Variants in SOX6 observed in about 807,000 individuals in gnomAD.
SOX6 encodes transcription factor SOX-6.
In SOX6, 11 loss-of-function variants were observed where a neutral mutation model predicts 97.8. The ratio of observed to expected loss-of-function variants is 0.11; its 90% CI spans 0.07 to 0.19. The LOEUF (loss-of-function observed/expected upper bound fraction) is 0.19, where lower values mean the gene tolerates loss of function less well. Among genes scored for constraint, SOX6 ranks in the 10% least tolerant of loss-of-function variants. The probability of loss-of-function intolerance (pLI) is 1.00; values close to 1 mark genes in which losing one functional copy is unlikely to be tolerated. For missense variants in SOX6, 810 were observed against 1,039.5 expected (o/e 0.78, Z 3.04); for synonymous variants, 360 against 371.4 (o/e 0.97, Z 0.35).
intron 4 of SOX6, among the ~76,000 whole-genome samples, chr11:16,586,672 A>T (rs1211999314): frequency 2.0e-5 from 3 of 152,190 alleles, no homozygotes; most frequent in Non-Finnish European, 4.4e-5. Context: ...GTGAGCTGTA[A>T]TCACACCACT....
At chr11:16,407,453 G>A (rs147204943) in intron 1 of SOX6, among the ~76,000 whole-genome samples, 11 of 152,174 alleles carry the variant, frequency 7.2e-5, no homozygotes, top group African/African-American at 2.4e-4. Context: ...AGATGAATGA[G>A]GAAAGTATCC....
chr11:16,089,643 C>T (rs561120963), intron 9 of SOX6, among the ~76,000 whole-genome samples: 3 of 152,002 alleles, frequency 2.0e-5, no homozygotes, highest in African/African-American at 7.2e-5. Context: ...ATGAACTCTT[C>T]TACAAATAAA....
chr11:16,252,411 C>G (rs1375799383), intron 3 of SOX6: 3 of 152,194 alleles, frequency 2.0e-5, no homozygotes, highest in Non-Finnish European at 4.4e-5. Context: ...CCACAGGAAC[C>G]AGTGTCGGTA....
intron 3 of SOX6, chr11:16,645,857 T>A (rs1191652589): frequency 6.6e-6 from 1 of 152,200 alleles, no homozygotes; most frequent in Non-Finnish European, 1.5e-5. Context: ...CCATCCAGTT[T>A]GTGGTACTTT....
intron 3 of SOX6, among the ~76,000 whole-genome samples, chr11:16,637,851 G>C (rs1480398255): frequency 2.0e-5 from 3 of 151,912 alleles, no homozygotes; most frequent in East Asian, 1.9e-4. Flanking sequence ...ACGTTTTATA[G>C]GCAAGGCCTG....
intron 2 of SOX6, among the ~76,000 whole-genome samples, chr11:16,723,189 G>C (rs1848279695): frequency 6.6e-6 from 1 of 152,148 alleles, no homozygotes; most frequent in South Asian, 2.1e-4. Flanking sequence ...TATGAATAGA[G>C]CTGAAGGCCA....
chr11:16,295,937 C>A (rs1265463121), intron 3 of SOX6, among the ~76,000 whole-genome samples: 1 of 152,054 alleles, frequency 6.6e-6, no homozygotes, highest in Non-Finnish European at 1.5e-5. Context: ...AAACTACCAA[C>A]AGGCTATCCT....
At chr11:16,233,891 C>G (rs1464329576) in intron 4 of SOX6, among the ~76,000 whole-genome samples, 1 of 151,378 alleles carries the variant, frequency 6.6e-6, no homozygotes, top group African/African-American at 2.4e-5. Context: ...CCTATAGGCC[C>G]AGCTACTCAG....
At chr11:16,626,978 C>T (rs962116001) in intron 3 of SOX6, among the ~76,000 whole-genome samples, 7 of 152,146 alleles carry the variant, frequency 4.6e-5, no homozygotes, top group Admixed American at 1.3e-4. Flanking sequence ...ACCTCCCTCC[C>T]GTCTCACATT....
chr11:16,521,822 T>C (rs1861069956), intron 4 of SOX6, among the ~76,000 whole-genome samples: 1 of 152,010 alleles, frequency 6.6e-6, no homozygotes, highest in South Asian at 2.1e-4. Flanking sequence ...TCGAGAACTA[T>C]GTGAAGAATG....
chr11:16,428,028 G>A (rs1859186878), intron 1 of SOX6, among the ~76,000 whole-genome samples: 1 of 152,190 alleles, frequency 6.6e-6, no homozygotes, highest in Admixed American at 6.5e-5. Context: ...CATTCTAACT[G>A]GTGTGAGATG....
chr11:16,683,007 C>G (rs561887354), intron 3 of SOX6, among the ~76,000 whole-genome samples: 1 of 152,216 alleles, frequency 6.6e-6, no homozygotes, highest in East Asian at 1.9e-4. Flanking sequence ...GAATAAAATA[C>G]CTAGGAATCC....
intron 3 of SOX6, among the ~76,000 whole-genome samples, chr11:16,701,033 A>G (rs1175722187): frequency 6.6e-6 from 1 of 152,190 alleles, no homozygotes; most frequent in African/African-American, 2.4e-5. Flanking sequence ...CCATCATAAA[A>G]CAGTCCATGG....
chr11:16,592,416 A>G (rs2133973301), intron 4 of SOX6, among the ~76,000 whole-genome samples: 1 of 151,616 alleles, frequency 6.6e-6, no homozygotes, highest in South Asian at 2.1e-4. Context: ...GGAAGATACC[A>G]GCTATAGGTT....
chr11:16,372,639 CAAG>C (rs1857521668), intron 1 of SOX6, among the ~76,000 whole-genome samples: 1 of 152,018 alleles, frequency 6.6e-6, no homozygotes, highest in Non-Finnish European at 1.5e-5. Context: ...CGACTGGTCA[CAAG>C]AAGCTAGAAC....
chr11:16,061,366 T>C (rs927993610), intron 9 of SOX6, among the ~76,000 whole-genome samples: 2 of 147,706 alleles, frequency 1.4e-5, no homozygotes, highest in Admixed American at 6.7e-5. Context: ...AGGAAAACTA[T>C]AGAACACTGA....
At chr11:16,094,214 C>T (rs982385974) in intron 9 of SOX6, among the ~76,000 whole-genome samples, 2 of 151,552 alleles carry the variant, frequency 1.3e-5, no homozygotes, top group Admixed American at 6.6e-5. Flanking sequence ...CACTACAGCA[C>T]TACAGAGCTC....
At chr11:16,626,726 T>C (rs1280684905) in intron 3 of SOX6, among the ~76,000 whole-genome samples, 4 of 152,222 alleles carry the variant, frequency 2.6e-5, no homozygotes, top group Non-Finnish European at 4.4e-5. Context: ...AGCAATGTTC[T>C]GTATATTCAA....
chr11:16,456,444 A>G (rs1859811701), intron 1 of SOX6, among the ~76,000 whole-genome samples: 1 of 152,120 alleles, frequency 6.6e-6, no homozygotes. Flanking sequence ...AGCTGAAAAT[A>G]AGATGACTCT....
Sources: allele counts gnomAD v4.1 joint callset (sites outside exome capture counted in the v4.1 genomes callset), GRCh38; gene constraint gnomAD v4.1.1; transcripts MANE v1.5; gene names NCBI Gene and HGNC (gene_info 2026-07-23, HGNC 2026-07-21).